The following CDYL2 variants were observed in gnomAD, a reference collection of about 807,000 sequenced individuals.
CDYL2 encodes the protein chromodomain Y-like protein 2.
In CDYL2, 23 loss-of-function variants were observed where a neutral mutation model predicts 49.4. The ratio of observed to expected loss-of-function variants is 0.47; its 90% confidence interval spans 0.34 to 0.66. The LOEUF (loss-of-function observed/expected upper bound fraction) is 0.66, where lower values mean the gene tolerates loss of function less well. CDYL2 is among the 30% of genes least tolerant of loss of function. The probability of loss-of-function intolerance (pLI) is 0.01; values close to 1 mark genes in which losing one functional copy is unlikely to be tolerated. For missense variants in CDYL2, 678 were observed against 656.4 expected, an observed-to-expected ratio of 1.03 and a Z score of -0.36; for synonymous variants, 360 against 268.8, an observed-to-expected ratio of 1.34 and a Z score of -3.32.
chr16:80,713,467 T>C (rs1470161178), intron 1 of CDYL2, among the ~76,000 whole-genome samples: 1 of 152,144 alleles, frequency 6.6e-6, no homozygotes, highest in Non-Finnish European at 1.5e-5. Flanking sequence ...GATGTTCCAT[T>C]GGGATATTAA....
chr16:80,774,463 T>C (rs1055461856), intron 1 of CDYL2, among the ~76,000 whole-genome samples: 1 of 152,148 alleles, frequency 6.6e-6, no homozygotes, highest in Non-Finnish European at 1.5e-5. Flanking sequence ...TGAAGGTATA[T>C]GTTTTAGTGA....
intron 1 of CDYL2, among the ~76,000 whole-genome samples, chr16:80,725,216 A>G (rs565883804): frequency 1.3e-5 from 2 of 152,242 alleles, no homozygotes; most frequent in South Asian, 4.1e-4. Context: ...ACATACACAC[A>G]CACACTTTGC....
intron 2 of CDYL2, among the ~76,000 whole-genome samples, chr16:80,649,074 C>T (rs761344129): frequency 2.6e-5 from 4 of 152,060 alleles, no homozygotes; most frequent in Non-Finnish European, 4.4e-5. Context: ...CTCTAAGATC[C>T]AGAGCACAAC....
chr16:80,608,023 G>C, intron 6 of CDYL2, 69 bp downstream of exon 6: 1 of 1,479,350 alleles, frequency 6.8e-7, no homozygotes, highest in East Asian at 2.6e-5. Context: ...AGCCCTCTGA[G>C]CCTTGCTGTC....
At chr16:80,722,116 G>C (rs1292855114) in intron 1 of CDYL2, among the ~76,000 whole-genome samples, 1 of 152,016 alleles carries the variant, frequency 6.6e-6, no homozygotes, top group South Asian at 2.1e-4. Context: ...TATAATAGAG[G>C]TGTTTCTTTT....
At chr16:80,785,219 C>T (rs867321599) in intron 1 of CDYL2, among the ~76,000 whole-genome samples, 9 of 152,134 alleles carry the variant, frequency 5.9e-5, no homozygotes, top group South Asian at 2.1e-4. Flanking sequence ...AAAACCCCAT[C>T]GTCTCAGCCC....
At chr16:80,666,725 G>C (rs1384656135) in intron 2 of CDYL2, among the ~76,000 whole-genome samples, 1 of 152,186 alleles carries the variant, frequency 6.6e-6, no homozygotes, top group Non-Finnish European at 1.5e-5. Flanking sequence ...GAGAAGGAAA[G>C]ACTGGGCCAG....
At chr16:80,636,807 C>T (rs4889178) in intron 2 of CDYL2, among the ~76,000 whole-genome samples, 23,822 of 152,044 alleles carry the variant, frequency 0.16, 2,299 homozygotes, top group Admixed American at 0.29. Flanking sequence ...CCAACCCCAA[C>T]GCCCATCAAC....
In CDYL2 at chr16:80,644,411, G is replaced by C. The variant is rs371371950; in HGVS notation, c.617-11175C>G. Among the ~76,000 whole-genome samples the C allele has an allele frequency of 3.9e-5, 6 of 152,276 alleles. No individual in the cohort carries two copies. In the East Asian group the frequency reaches 9.6e-4, roughly 24 times the overall value. The stretch of plus-strand genomic sequence containing the variant: ...TGTTCCAATCTCTGCCTGTTACCCA[G>C]TTCCAAAGTCACTTCCACATTTTTG... On this transcript the variant is annotated intron_variant, in intron 2 of 6. Transcript: ENST00000570137.
At chr16:80,705,994 C>A in intron 1 of CDYL2, among the ~76,000 whole-genome samples, 1 of 152,172 alleles carries the variant, frequency 6.6e-6, no homozygotes, top group East Asian at 1.9e-4. Context: ...CTGGACACTC[C>A]AAGGCAGTAG....
intron 1 of CDYL2, among the ~76,000 whole-genome samples, chr16:80,755,888 G>A (rs1021609772): frequency 6.6e-6 from 1 of 152,154 alleles, no homozygotes; most frequent in Non-Finnish European, 1.5e-5. Context: ...TGTACTTTCT[G>A]CTGAATTTTT....
chr16:80,760,868 C>T (rs1230963180), intron 1 of CDYL2, among the ~76,000 whole-genome samples: 2 of 151,876 alleles, frequency 1.3e-5, no homozygotes, highest in African/African-American at 2.4e-5. Flanking sequence ...GAAGGTTGCA[C>T]TCACCCTGAT....
At position 80,690,057 on chromosome 16, in the gene CDYL2, G is replaced by C. The variant is rs139364087; in HGVS notation, c.25-4928C>G. Among the ~76,000 whole-genome samples, 1,453 of 151,718 alleles carry C rather than the reference G, an allele frequency of 9.6e-3. 23 individuals carry two copies. Among genetic ancestry groups the C allele is most frequent in the African/African-American group, 0.034 (1,408 of 41,324 alleles). ...AATCACTTGAACCCAGGAGGCGGAG[G>C]TTACAGTGAGGCGAGATCGCACCAC... On this transcript the variant is annotated intron_variant, in intron 1 of 6. Transcript: ENST00000570137.
At chr16:80,635,382 A>T (rs966569346) in intron 2 of CDYL2, among the ~76,000 whole-genome samples, 8 of 152,198 alleles carry the variant, frequency 5.3e-5, no homozygotes, top group Non-Finnish European at 1.0e-4. Flanking sequence ...CAGGATACAA[A>T]ATCAACGTGC....
intron 2 of CDYL2, among the ~76,000 whole-genome samples, chr16:80,675,668 G>A (rs566343046): frequency 3.3e-5 from 5 of 151,448 alleles, no homozygotes; most frequent in South Asian, 2.1e-4. Flanking sequence ...CAGGGAGAGC[G>A]GCTTTTCACC....
At chr16:80,686,988 C>T (rs1275065540) in intron 1 of CDYL2, among the ~76,000 whole-genome samples, 2 of 152,186 alleles carry the variant, frequency 1.3e-5, no homozygotes, top group African/African-American at 4.8e-5. Flanking sequence ...CTAACTAATC[C>T]AATATCCAAC....
At chr16:80,701,811 G>C (rs1290166081) in intron 1 of CDYL2, among the ~76,000 whole-genome samples, 2 of 152,208 alleles carry the variant, frequency 1.3e-5, no homozygotes, top group Admixed American at 6.5e-5. Flanking sequence ...AAGTACCTTT[G>C]GGAGAATTAA....
chr16:80,798,971 A>G lies in CDYL2; in HGVS notation c.24+5179T>C, dbSNP rs575157601. On this transcript the variant is annotated intron_variant, in intron 1 of 6. Transcript: ENST00000570137. ...ACTGTCATTTAAAACTCATAACACAAAATAATATTTTAGCATTTGAGAAAA... is the reference window on the plus strand; with the variant it reads ...ACTGTCATTTAAAACTCATAACACAGAATAATATTTTAGCATTTGAGAAAA... Among the ~76,000 whole-genome samples the G allele has an allele frequency of 2.6e-5, 4 of 152,200 alleles. No individual in the cohort carries two copies. In the East Asian group the frequency reaches 5.8e-4, roughly 22 times the overall value.
chr16:80,773,414 T>C (rs1247987860), intron 1 of CDYL2, among the ~76,000 whole-genome samples: 1 of 152,142 alleles, frequency 6.6e-6, no homozygotes, highest in Non-Finnish European at 1.5e-5. Flanking sequence ...CAATAAATGA[T>C]AGAACAATCA....
Sources: allele counts gnomAD v4.1 joint callset (sites outside exome capture counted in the v4.1 genomes callset), GRCh38; gene constraint gnomAD v4.1.1; transcripts MANE v1.5; gene names NCBI Gene and HGNC (gene_info 2026-07-23, HGNC 2026-07-21).